Variants in NCKAP5 observed in about 807,000 individuals in gnomAD.
NCKAP5 encodes nck-associated protein 5.
NCKAP5 carries 92 observed loss-of-function variants against 167.0 expected under a neutral mutation model. The observed-to-expected ratio is 0.55, with a 90% CI of 0.47 to 0.66. The LOEUF is 0.66. Ranked by LOEUF, NCKAP5 falls within the 30% of genes least tolerant of loss-of-function variation. NCKAP5 has a pLI of 0.00. For missense variants in NCKAP5, 2,378 were observed against 2,315.0 expected (o/e 1.03, Z -0.56); for synonymous variants, 891 against 877.4 (o/e 1.02, Z -0.27).
intron 2 of NCKAP5, among the ~76,000 whole-genome samples, chr2:133,537,782 T>C (rs1198108347): frequency 6.6e-6 from 1 of 152,182 alleles, no homozygotes; most frequent in Non-Finnish European, 1.5e-5. Context: ...GTATACAGTA[T>C]ATCTGAATTA....
intron 2 of NCKAP5, among the ~76,000 whole-genome samples, chr2:133,521,870 T>C (rs778593279): frequency 4.6e-5 from 7 of 152,250 alleles, no homozygotes; most frequent in Admixed American, 1.3e-4. Flanking sequence ...CTGAGTGTTC[T>C]ATTAATCAAA....
chr2:133,416,200 C>G lies in NCKAP5; in HGVS notation c.69+101258G>C, dbSNP rs113144682. Among the ~76,000 whole-genome samples the G allele has an allele frequency of 6.8e-4, 104 of 152,264 alleles. 1 individual carries two copies. Among genetic ancestry groups the G allele is most frequent in the African/African-American group, 2.4e-3 (99 of 41,556 alleles). On this transcript the variant is annotated intron_variant, in intron 3 of 19. Coordinates refer to ENST00000409261, the MANE Select transcript of NCKAP5 (RefSeq NM_207363.3). ...CGCTCTGTGGAGCTCTGGGTGTAAT[C>G]AGCACTAAGATAGATGAAGACCTTT...
chr2:132,732,176 G>A, intron 16 of NCKAP5, 125 bp from the exon 17 acceptor site: 1 of 908,914 alleles, frequency 1.1e-6, no homozygotes, highest in Non-Finnish European at 1.6e-6. Flanking sequence ...TTAAGAAAAA[G>A]AAAAATGTCA....
intron 4 of NCKAP5, among the ~76,000 whole-genome samples, chr2:133,242,884 A>G (rs2087786539): frequency 6.6e-6 from 1 of 152,210 alleles, no homozygotes; most frequent in Non-Finnish European, 1.5e-5. Flanking sequence ...TGTACAAAAG[A>G]TCAGAGCATG....
rs148701755 is a variant in NCKAP5, at chr2:133,543,456, G to A, written c.-62+15594C>T. ...TCAGCACAGTACCAAGTAAGTGTAC[G>A]AGAAATGTTAGCTATTCAAAGTAAC... is the stretch of plus-strand genomic sequence containing the variant. On this transcript the variant is annotated intron_variant, in intron 2 of 19. Coordinates refer to ENST00000409261, the MANE Select transcript of NCKAP5 (RefSeq NM_207363.3). 3.2e-4 allele frequency among the ~76,000 whole-genome samples: 48 copies of A among 152,298 alleles called. 1 individual carries two copies. In the East Asian group the frequency reaches 8.1e-3, roughly 26 times the overall value.
At chr2:132,763,162 C>G (rs1022853701) in intron 16 of NCKAP5, among the ~76,000 whole-genome samples, 16 of 152,116 alleles carry the variant, frequency 1.1e-4, no homozygotes, top group Non-Finnish European at 2.2e-4. Flanking sequence ...TCATAGTGAT[C>G]AAAAGTGACG....
chr2:133,602,505 A>G, the NCKAP5 span, among the ~76,000 whole-genome samples: 1 of 152,206 alleles, frequency 6.6e-6, no homozygotes, highest in Non-Finnish European at 1.5e-5. Context: ...ATTATTCAGG[A>G]GGGAGGTAGG....
intron 11 of NCKAP5, among the ~76,000 whole-genome samples, chr2:132,817,867 A>T (rs1240160125): frequency 2.0e-5 from 3 of 152,222 alleles, no homozygotes; most frequent in African/African-American, 7.2e-5. Flanking sequence ...TGTATGCTTC[A>T]CTAAGAAATG....
intron 8 of NCKAP5, among the ~76,000 whole-genome samples, chr2:132,881,025 T>C (rs181350876): frequency 1.3e-5 from 2 of 152,356 alleles, no homozygotes; most frequent in Admixed American, 1.3e-4. Flanking sequence ...CACAATGTGA[T>C]CTACAGTTCT....
At chr2:133,178,308 G>C (rs964449647) in intron 5 of NCKAP5, among the ~76,000 whole-genome samples, 4 of 151,358 alleles carry the variant, frequency 2.6e-5, no homozygotes, top group African/African-American at 9.7e-5. Flanking sequence ...AGACGACCCT[G>C]GCCAACATGG....
At position 132,782,069 on chromosome 2, in the gene NCKAP5, C is replaced by T. The variant is rs745609069; in HGVS notation, c.4742G>A (p.Gly1581Asp). ...DTKSADNPDG[G>D]LQSKNNRRTP... Reference sequence around the variant, plus strand: ...TCTCCGATTATTTTTGCTTTGTAAACCGCCATCTGGATTATCTGCTGACTT... The same window carrying T: ...TCTCCGATTATTTTTGCTTTGTAAATCGCCATCTGGATTATCTGCTGACTT... Residue 1581 changes from glycine to aspartate, a missense_variant, in exon 14 of 20, where the codon GGT (glycine) becomes GAT (aspartate). Gly to Asp is a moderately conservative substitution (Grantham distance 94, BLOSUM62 -1). This residue lies in a region of NCKAP5 where 1,325 missense variants were observed against 1,274.5 expected (regional missense o/e 1.04). Coordinates refer to ENST00000409261, the MANE Select transcript of NCKAP5 (RefSeq NM_207363.3). 3 of 1,614,054 alleles carry T rather than the reference C, an allele frequency of 1.9e-6. No homozygotes were observed. The highest frequency in any genetic ancestry group is 2.5e-6 in the Non-Finnish European group (3 of 1,179,896).
intron 5 of NCKAP5, among the ~76,000 whole-genome samples, chr2:133,189,033 A>G (rs2085083717): frequency 2.0e-5 from 3 of 152,074 alleles, no homozygotes; most frequent in Admixed American, 6.6e-5. Flanking sequence ...TTGATAGGCT[A>G]CTAGCAAGAC....
chr2:132,975,652 A>T (rs1295622821), intron 7 of NCKAP5, among the ~76,000 whole-genome samples: 1 of 152,204 alleles, frequency 6.6e-6, no homozygotes, highest in Non-Finnish European at 1.5e-5. Flanking sequence ...AACAGAAATT[A>T]TGTCCTTGTA....
chr2:133,355,426 G>A (rs892597046), intron 3 of NCKAP5, among the ~76,000 whole-genome samples: 9 of 152,130 alleles, frequency 5.9e-5, no homozygotes, highest in African/African-American at 2.2e-4. Flanking sequence ...CAAGATATAA[G>A]ATGCTAATAT....
intron 3 of NCKAP5, among the ~76,000 whole-genome samples, chr2:133,393,276 T>G (rs953334247): frequency 1.3e-5 from 2 of 152,210 alleles, no homozygotes; most frequent in Non-Finnish European, 2.9e-5. Flanking sequence ...CCTAGCAGTA[T>G]TTTGAGAACT....
intron 5 of NCKAP5, among the ~76,000 whole-genome samples, chr2:133,173,096 G>A (rs1055399312): frequency 2.6e-5 from 4 of 152,200 alleles, no homozygotes; most frequent in African/African-American, 9.6e-5. Flanking sequence ...GGGGCAACCA[G>A]TAAAGACTCA....
In NCKAP5 at chr2:132,784,534, G is replaced by A. The variant is rs754903023; in HGVS notation, c.2277C>T (p.Phe759=). The change falls in exon 14 of 20, where the codon TTC becomes TTT. Residue 759 remains phenylalanine (F), a synonymous_variant. Coordinates refer to ENST00000409261, the MANE Select transcript of NCKAP5 (RefSeq NM_207363.3). ...DNVPRVSTES[F]SSRTVTQNPQ... is the part of the protein sequence containing the mutation. ...GATTTTGTGTCACTGTCCTGGAGCT[G>A]AAAGATTCAGTGGACACCCTGGGAA... 7.7e-6 allele frequency: 12 copies of A among 1,567,700 alleles called. No homozygotes were observed. In the South Asian group the frequency reaches 1.5e-4, roughly 19 times the overall value.
chr2:133,314,405 C>T (rs1681459647), intron 3 of NCKAP5, among the ~76,000 whole-genome samples: 1 of 152,112 alleles, frequency 6.6e-6, no homozygotes, highest in African/African-American at 2.4e-5. Flanking sequence ...GGTCCTGACC[C>T]CAGAGTTTGA....
the NCKAP5 span, among the ~76,000 whole-genome samples, chr2:133,641,310 G>C: frequency 6.6e-6 from 1 of 152,170 alleles, no homozygotes; most frequent in Non-Finnish European, 1.5e-5. Flanking sequence ...CTTTATGAGA[G>C]AAAACAAACA....
Sources: allele counts gnomAD v4.1 joint callset (sites outside exome capture counted in the v4.1 genomes callset), GRCh38; gene constraint gnomAD v4.1.1; regional missense constraint gnomAD v4.1.1; transcripts MANE v1.5; gene names NCBI Gene and HGNC (gene_info 2026-07-23, HGNC 2026-07-21).